FAM162A: variants seen among roughly 807,000 people sequenced by gnomAD.
The protein encoded by FAM162A is family with sequence similarity 162 member A.
A neutral mutation model predicts 21.8 loss-of-function variants in FAM162A; 23 were observed. That is an observed-to-expected ratio of 1.05 (90% CI 0.76 to 1.49). The LOEUF is 1.49. Ranked by LOEUF, FAM162A falls within the 40% of genes most tolerant of loss-of-function variation. The pLI is 0.00. For missense variants in FAM162A, 165 were observed against 186.4 expected (o/e 0.89, Z 0.67); for synonymous variants, 53 against 61.3 (o/e 0.86, Z 0.64).
chr3:122,397,635 C>G (rs1486397003), intron 1 of FAM162A, among the ~76,000 whole-genome samples: 1 of 152,170 alleles, frequency 6.6e-6, no homozygotes, highest in African/African-American at 2.4e-5. Context: ...TCATCTGCAC[C>G]ACAATCCCAA....
intron 1 of FAM162A, among the ~76,000 whole-genome samples, chr3:122,393,014 C>A (rs1220956916): frequency 6.6e-6 from 1 of 152,106 alleles, no homozygotes; most frequent in Non-Finnish European, 1.5e-5. Context: ...GTACAAGAAA[C>A]ACTGCATTAT....
intron 1 of FAM162A, 26 bp downstream of exon 1, chr3:122,384,325 G>T: frequency 6.4e-7 from 1 of 1,567,852 alleles, no homozygotes; most frequent in Non-Finnish European, 8.6e-7. Flanking sequence ...GGATATGGGA[G>T]GTAGGGGAGC....
At chr3:122,407,540 T>G in intron 4 of FAM162A, 151 bp downstream of exon 4, 1 of 575,210 alleles carries the variant, frequency 1.7e-6, no homozygotes, top group Non-Finnish European at 3.1e-6. Flanking sequence ...TAAGACATAT[T>G]GGGAACAAGC....
rs1311676733 is a variant in FAM162A at position 122,404,343 on chromosome 3, T to A, written c.243T>A (p.Asp81Glu). 4 of 1,598,844 alleles carry A rather than the reference T, an allele frequency of 2.5e-6. No individual in the cohort carries two copies. Among genetic ancestry groups the A allele is most frequent in the Non-Finnish European group, 3.4e-6 (4 of 1,170,106 alleles). ...GGTCAGGTCGCTTCAAAAAGGAAGA[T>A]GAAATCCCAGAGACTGTCTCGTGAG... Reference protein sequence around the residue: ...LIWSGRFKKEDEIPETVSLEM... With the variant: ...LIWSGRFKKEEEIPETVSLEM... The change falls in exon 3 of 5, where the codon GAT (aspartate) becomes GAA (glutamate). Residue 81 changes from aspartate to glutamate, a missense_variant. By Grantham distance (45) the Asp-to-Glu change is conservative. Transcript: ENST00000477892.
intron 4 of FAM162A, among the ~76,000 whole-genome samples, chr3:122,408,848 T>G (rs2075690334): frequency 6.6e-6 from 1 of 152,182 alleles, no homozygotes; most frequent in African/African-American, 2.4e-5. Flanking sequence ...TTTTAGAGAG[T>G]TCTTCTCCTG....
At chr3:122,408,370 A>G (rs548781399) in intron 4 of FAM162A, among the ~76,000 whole-genome samples, 2 of 152,350 alleles carry the variant, frequency 1.3e-5, no homozygotes, top group South Asian at 4.1e-4. Flanking sequence ...ATAATTCTAT[A>G]TATCACAGCT....
chr3:122,384,537 T>C (rs1043614096), intron 1 of FAM162A, among the ~76,000 whole-genome samples: 1 of 152,072 alleles, frequency 6.6e-6, no homozygotes, highest in African/African-American at 2.4e-5. Flanking sequence ...TCCCACCAAC[T>C]TAACTGCCCA....
chr3:122,396,011 G>A (rs962473105), intron 1 of FAM162A, among the ~76,000 whole-genome samples: 27 of 152,236 alleles, frequency 1.8e-4, no homozygotes, highest in African/African-American at 5.8e-4. Flanking sequence ...AATGAATTTG[G>A]ATCCTTTTCA....
At chr3:122,402,467 C>A (rs1576251806) in intron 1 of FAM162A, among the ~76,000 whole-genome samples, 1 of 152,014 alleles carries the variant, frequency 6.6e-6, no homozygotes, top group East Asian at 1.9e-4. Context: ...AATATTGCCA[C>A]CAGAGCCATT....
At chr3:122,400,181 A>G (rs1417668274) in intron 1 of FAM162A, among the ~76,000 whole-genome samples, 4 of 152,212 alleles carry the variant, frequency 2.6e-5, no homozygotes, top group Non-Finnish European at 5.9e-5. Context: ...ACCATGGAAT[A>G]CTATGCAGCC....
At chr3:122,404,522 A>C (rs1350696835) in intron 3 of FAM162A, among the ~76,000 whole-genome samples, 159 bp downstream of exon 3, 1 of 152,240 alleles carries the variant, frequency 6.6e-6, no homozygotes, top group Non-Finnish European at 1.5e-5. Flanking sequence ...CTTGGAATAT[A>C]AACAATGCTA....
At chr3:122,405,001 C>T (rs12107092) in intron 3 of FAM162A, among the ~76,000 whole-genome samples, 29,195 of 152,116 alleles carry the variant, frequency 0.19, 3,269 homozygotes, top group African/African-American at 0.3. Context: ...CCTACATGCC[C>T]GTAGCATTGC....
At chr3:122,389,321 A>G (rs2075588476) in intron 1 of FAM162A, among the ~76,000 whole-genome samples, 1 of 152,170 alleles carries the variant, frequency 6.6e-6, no homozygotes, top group Non-Finnish European at 1.5e-5. Context: ...CAGAATTCTC[A>G]GTAACTACTA....
intron 1 of FAM162A, chr3:122,401,546 T>C (rs1165822432): frequency 1.6e-6 from 2 of 1,270,882 alleles, no homozygotes; most frequent in African/African-American, 1.5e-5. Context: ...GTAAGTGTAT[T>C]TGTGCCTAAT....
At chr3:122,407,518 T>A in intron 4 of FAM162A, 129 bp downstream of exon 4, 15 of 637,664 alleles carry the variant, frequency 2.4e-5, no homozygotes, top group Middle Eastern at 3.2e-4. Context: ...TGAGAAAAGA[T>A]AAGCAAAAAA....
At chr3:122,400,699 C>T (rs939339025) in intron 1 of FAM162A, among the ~76,000 whole-genome samples, 7 of 151,982 alleles carry the variant, frequency 4.6e-5, no homozygotes, top group African/African-American at 9.7e-5. Flanking sequence ...TGGTGGCAGG[C>T]GCCTGTATTC....
intron 1 of FAM162A, among the ~76,000 whole-genome samples, chr3:122,396,148 TAAAAG>T (rs948361454): frequency 1.3e-5 from 2 of 151,932 alleles, no homozygotes; most frequent in African/African-American, 2.4e-5. Context: ...GCTCAAGCAA[TAAAAG>T]AAAAGATGGA....
chr3:122,393,409 T>G (rs188876569), intron 1 of FAM162A, among the ~76,000 whole-genome samples: 2 of 152,118 alleles, frequency 1.3e-5, no homozygotes, highest in East Asian at 3.9e-4. Flanking sequence ...AGTTTTAACT[T>G]GCTTTATTCC....
intron 3 of FAM162A, among the ~76,000 whole-genome samples, chr3:122,406,135 A>G (rs2075675650): frequency 6.6e-6 from 1 of 152,224 alleles, no homozygotes; most frequent in Non-Finnish European, 1.5e-5. Context: ...CTCAGGGGAA[A>G]GAAAGCACTT....
Sources: gnomAD v4.1 joint callset for allele counts (sites outside exome capture counted in the v4.1 genomes callset) on GRCh38, gnomAD v4.1.1 for gene constraint, MANE v1.5 for transcripts, NCBI Gene and HGNC (gene_info 2026-07-23, HGNC 2026-07-21) for gene names.